NCOR1: variants seen among roughly 807,000 people sequenced by gnomAD.
The protein encoded by NCOR1 is protein phosphatase 1, regulatory subunit 109.
NCOR1 carries 63 observed loss-of-function variants against 288.1 expected under a neutral mutation model. The ratio of observed to expected loss-of-function variants is 0.22; its 90% CI spans 0.18 to 0.27. The LOEUF (loss-of-function observed/expected upper bound fraction) is 0.27, where lower values mean the gene tolerates loss of function less well. Ranked by LOEUF, NCOR1 falls within the 10% of genes least tolerant of loss-of-function variation. The probability of loss-of-function intolerance (pLI) is 1.00; values close to 1 mark genes in which losing one functional copy is unlikely to be tolerated. For missense variants in NCOR1, 2,397 were observed against 3,019.2 expected, an observed-to-expected ratio of 0.79 and a Z score of 4.83; for synonymous variants, 1,007 against 1,065.9, an observed-to-expected ratio of 0.94 and a Z score of 1.08.
chr17:16,211,258 TA>T (rs1298838323), intron 1 of NCOR1, among the ~76,000 whole-genome samples: 9 of 123,338 alleles, frequency 7.3e-5, no homozygotes, highest in African/African-American at 1.6e-4. Flanking sequence ...ATTTTATTTT[TA>T]TTTATTTTTT....
intron 20 of NCOR1, among the ~76,000 whole-genome samples, chr17:16,098,982 T>A (rs1456829164): frequency 6.6e-6 from 1 of 152,222 alleles, no homozygotes; most frequent in Non-Finnish European, 1.5e-5. Flanking sequence ...GATGTTTTAT[T>A]GGGATCACAG....
rs1395811110 is a variant in NCOR1 at position 16,030,192 on chromosome 17, A to G, written c.*2104T>C. On this transcript the variant is annotated 3_prime_UTR_variant, in exon 46 of 46. Transcript: ENST00000268712. ...GTTAAGATTATAAGGAAGAGAAAAT[A>G]TATTTACTATTCATTAAGTGGAAGT... 1 of 219,500 alleles carries G rather than the reference A, an allele frequency of 4.6e-6. No individual in the cohort carries two copies. Among genetic ancestry groups the G allele is most frequent in the Non-Finnish European group, 8.9e-6 (1 of 111,808 alleles). 13.6% of individuals were successfully genotyped at this position (219,500 alleles called of 1,614,324 possible).
chr17:16,126,334 C>T (rs943937759), intron 14 of NCOR1, 128 bp from the exon 15 acceptor site: 5 of 969,758 alleles, frequency 5.2e-6, no homozygotes, highest in African/African-American at 5.1e-5. Context: ...AACTGGTGAT[C>T]GTGTGTTAAA....
At chr17:16,126,931 G>A (rs895546366) in intron 14 of NCOR1, among the ~76,000 whole-genome samples, 1 of 152,092 alleles carries the variant, frequency 6.6e-6, no homozygotes, top group Non-Finnish European at 1.5e-5. Context: ...GTTACCTGGA[G>A]TCAACTGCAG....
chr17:16,036,470 C>A (rs2056393810), intron 44 of NCOR1, among the ~76,000 whole-genome samples: 1 of 152,214 alleles, frequency 6.6e-6, no homozygotes, highest in Non-Finnish European at 1.5e-5. Flanking sequence ...ACAAGAGAGT[C>A]AGCCTGTCTT....
At chr17:16,143,342 GA>G (rs1404738950) in intron 11 of NCOR1, among the ~76,000 whole-genome samples, 1 of 152,020 alleles carries the variant, frequency 6.6e-6, no homozygotes, top group African/African-American at 2.4e-5. Flanking sequence ...CTGTTGCCCT[GA>G]TTCAGAACCT....
chr17:16,136,986 A>C (rs1259701965), intron 14 of NCOR1, among the ~76,000 whole-genome samples: 1 of 152,116 alleles, frequency 6.6e-6, no homozygotes, highest in Non-Finnish European at 1.5e-5. Context: ...GACTGGCTAA[A>C]GATAGTGTAT....
intron 14 of NCOR1, among the ~76,000 whole-genome samples, chr17:16,131,958 C>A (rs2075712334): frequency 1.3e-5 from 2 of 152,192 alleles, no homozygotes. Flanking sequence ...AGTGAAAGGA[C>A]CCACCTAGAG....
At chr17:16,163,060 A>AC (rs1441920353) in intron 5 of NCOR1, among the ~76,000 whole-genome samples, 1 of 152,182 alleles carries the variant, frequency 6.6e-6, no homozygotes, top group Non-Finnish European at 1.5e-5. Flanking sequence ...ATAAGAGGTA[A>AC]AACTATAAAA....
intron 40 of NCOR1, among the ~76,000 whole-genome samples, chr17:16,055,297 G>C (rs796295969): frequency 2.0e-5 from 3 of 152,346 alleles, no homozygotes; most frequent in African/African-American, 7.2e-5. Context: ...GTGATTGACT[G>C]GATAAAGACA....
At chr17:16,141,826 A>G (rs2077200842) in intron 11 of NCOR1, among the ~76,000 whole-genome samples, 1 of 152,230 alleles carries the variant, frequency 6.6e-6, no homozygotes, top group African/African-American at 2.4e-5. Flanking sequence ...TAGATATGGA[A>G]AAGAACACAC....
At chr17:16,130,435 A>C (rs759483982) in intron 14 of NCOR1, among the ~76,000 whole-genome samples, 2 of 151,700 alleles carry the variant, frequency 1.3e-5, no homozygotes, top group Admixed American at 6.6e-5. Flanking sequence ...AACCCTTCTA[A>C]AAGTTCCCTA....
At chr17:16,146,288 T>C in intron 10 of NCOR1, 88 bp downstream of exon 10, 2 of 1,229,104 alleles carry the variant, frequency 1.6e-6, no homozygotes, top group South Asian at 1.6e-5. Context: ...CCAAGAATGA[T>C]CAATACATAC....
At chr17:16,148,503 A>C (rs2078330156) in intron 9 of NCOR1, among the ~76,000 whole-genome samples, 2 of 152,070 alleles carry the variant, frequency 1.3e-5, no homozygotes, top group African/African-American at 4.8e-5. Flanking sequence ...CAGAGTACAC[A>C]GCCAAGTGAT....
chr17:16,065,822 T>C (rs1004995758), intron 32 of NCOR1, 128 bp from the exon 33 acceptor site: 1 of 766,388 alleles, frequency 1.3e-6, no homozygotes, highest in Non-Finnish European at 2.2e-6. Flanking sequence ...TTTACTTAGC[T>C]ACAAGGATTA....
Position 16,139,205 on chromosome 17 carries a change from T to G in NCOR1, c.1174-19A>C. 1.2e-6 allele frequency: 2 copies of G among 1,602,656 alleles called. No individual in the cohort carries two copies. Among genetic ancestry groups the G allele is most frequent in the Non-Finnish European group, 1.7e-6 (2 of 1,173,662 alleles). On this transcript the variant is annotated intron_variant, in intron 11 of 45. Transcript: ENST00000268712. The stretch of plus-strand genomic sequence containing the variant: ...CATTATTCTGGAAAAAAAATACAAT[T>G]TACTTAGAATAAAACATAAACTAGA...
chr17:16,205,016 T>C (rs992589102), intron 1 of NCOR1, among the ~76,000 whole-genome samples: 3 of 151,396 alleles, frequency 2.0e-5, no homozygotes, highest in African/African-American at 7.3e-5. Context: ...AAGTCGGGAG[T>C]TTCAGACCAG....
chr17:16,130,041 A>G (rs1294642333), intron 14 of NCOR1, among the ~76,000 whole-genome samples: 1 of 152,226 alleles, frequency 6.6e-6, no homozygotes, highest in African/African-American at 2.4e-5. Flanking sequence ...GGCTCTGCAT[A>G]GTGTGGAAAT....
At chr17:16,145,607 G>A (rs1426017861) in intron 10 of NCOR1, among the ~76,000 whole-genome samples, 2 of 151,772 alleles carry the variant, frequency 1.3e-5, no homozygotes, top group Non-Finnish European at 2.9e-5. Flanking sequence ...GAGACGTGAG[G>A]AGCCCCTCTG....
Sources: allele counts gnomAD v4.1 joint callset (sites outside exome capture counted in the v4.1 genomes callset), GRCh38; gene constraint gnomAD v4.1.1; transcripts MANE v1.5; gene names NCBI Gene and HGNC (gene_info 2026-07-23, HGNC 2026-07-21).